KCNQ5: variants seen among roughly 807,000 people sequenced by gnomAD.
The protein encoded by KCNQ5 is potassium voltage-gated channel subfamily KQT member 5.
KCNQ5 carries 30 observed loss-of-function variants against 98.2 expected under a neutral mutation model. The ratio of observed to expected loss-of-function variants is 0.31; its 90% CI spans 0.23 to 0.41. KCNQ5 has a LOEUF of 0.41. Among genes scored for constraint, KCNQ5 ranks in the 10% least tolerant of loss-of-function variants. KCNQ5 has a pLI of 1.00. For synonymous variants in KCNQ5, 458 were observed against 449.4 expected (o/e 1.02, Z -0.24); for missense variants, 835 against 1,182.5 (o/e 0.71, Z 4.31).
intron 1 of KCNQ5, among the ~76,000 whole-genome samples, chr6:72,720,335 G>A (rs1267365533): frequency 6.6e-6 from 1 of 152,170 alleles, no homozygotes; most frequent in Non-Finnish European, 1.5e-5. Context: ...AAACTCCCAG[G>A]AAATGACTTC....
chr6:72,917,439 AT>A (rs1309909411), intron 1 of KCNQ5, among the ~76,000 whole-genome samples: 2 of 148,982 alleles, frequency 1.3e-5, no homozygotes, highest in South Asian at 4.3e-4. Context: ...CCCCCCCACC[AT>A]TTTTTTATTT....
chr6:73,195,061 TTG>T lies in KCNQ5; in HGVS notation c.2448_2449del (p.Leu816PhefsTer34), dbSNP rs780763484. 6.2e-7 allele frequency: 1 copy of T among 1,614,238 alleles called. No individual in the cohort carries two copies. The highest frequency in any genetic ancestry group is 8.5e-7 in the Non-Finnish European group (1 of 1,180,038). Reference protein sequence around the residue: ...KSFDMGGETLLSVCPMVPKDL... With the variant: ...KSFDMGGETLXSVCPMVPKDL... ...CTTTGACATGGGAGGAGAAACTCTG[TTG>T]TCTGTCTGTCCCATGGTGCCGAAGG... On this transcript the variant is annotated frameshift_variant, in exon 14 of 14. Transcript: ENST00000370398. LOFTEE classifies it high-confidence loss of function.
At chr6:72,977,713 G>A (rs560256498) in intron 1 of KCNQ5, among the ~76,000 whole-genome samples, 109 of 152,082 alleles carry the variant, frequency 7.2e-4, no homozygotes, top group Middle Eastern at 6.8e-3. Flanking sequence ...AACTCTCCCC[G>A]CTTCTGCATC....
intron 1 of KCNQ5, among the ~76,000 whole-genome samples, chr6:72,887,793 G>A (rs987313733): frequency 1.3e-5 from 2 of 151,750 alleles, no homozygotes; most frequent in South Asian, 4.2e-4. Flanking sequence ...CTAGCAGACA[G>A]AAAAACTAAG....
At chr6:72,814,224 G>A (rs987677411) in intron 1 of KCNQ5, among the ~76,000 whole-genome samples, 2 of 152,222 alleles carry the variant, frequency 1.3e-5, no homozygotes, top group Non-Finnish European at 2.9e-5. Flanking sequence ...GCCTGCCTCT[G>A]AGAATAGGAT....
chr6:72,755,551 T>A (rs1771919916), intron 1 of KCNQ5, among the ~76,000 whole-genome samples: 1 of 152,160 alleles, frequency 6.6e-6, no homozygotes. Flanking sequence ...GTAAATATCT[T>A]TAAGCTATCA....
chr6:73,091,984 T>G (rs1218681696), intron 5 of KCNQ5, among the ~76,000 whole-genome samples: 1 of 152,198 alleles, frequency 6.6e-6, no homozygotes, highest in Non-Finnish European at 1.5e-5. Context: ...TTTCCATTTG[T>G]TTGTGTCATC....
At chr6:72,652,557 G>A (rs1245866851) in intron 1 of KCNQ5, among the ~76,000 whole-genome samples, 1 of 151,896 alleles carries the variant, frequency 6.6e-6, no homozygotes, top group Non-Finnish European at 1.5e-5. Context: ...GGTCACTCTG[G>A]CTTTGTACTG....
chr6:72,946,310 T>G (rs977098445), intron 1 of KCNQ5, among the ~76,000 whole-genome samples: 1 of 152,178 alleles, frequency 6.6e-6, no homozygotes, highest in African/African-American at 2.4e-5. Flanking sequence ...GATGATTCTA[T>G]TAAAAGGAAT....
chr6:73,045,984 G>C, intron 3 of KCNQ5, among the ~76,000 whole-genome samples: 1 of 151,774 alleles, frequency 6.6e-6, no homozygotes, highest in African/African-American at 2.4e-5. Context: ...GGACAAAAGA[G>C]GAATAAAATA....
Position 73,194,699 on chromosome 6 carries a change from A to G in KCNQ5, c.2084A>G (p.Asn695Ser). 1 of 1,614,242 alleles carries G rather than the reference A, an allele frequency of 6.2e-7. No homozygotes were observed. Among genetic ancestry groups the G allele is most frequent in the Non-Finnish European group, 8.5e-7 (1 of 1,180,046 alleles). The change falls in exon 14 of 14, where the codon AAT becomes AGT. Residue 695 changes from asparagine (N) to serine (S), a missense_variant. By Grantham distance (46) the Asn-to-Ser change is conservative. Transcript: ENST00000370398. ...SRGLQFILTP[N>S]EFSAQTFYAL... ...GGCCTGCAGTTCATTCTGACGCCAAATGAGTTCAGTGCCCAGACTTTCTAC... is the reference window on the plus strand; with the variant it reads ...GGCCTGCAGTTCATTCTGACGCCAAGTGAGTTCAGTGCCCAGACTTTCTAC...
Position 73,077,748 on chromosome 6 carries a change from C to G in KCNQ5, c.793-14C>G, listed in dbSNP as rs1562164703. On this transcript the variant is annotated splice_polypyrimidine_tract_variant and intron_variant, in intron 4 of 13. Coordinates refer to ENST00000370398, the MANE Select transcript of KCNQ5 (RefSeq NM_019842.4). ...TTCCCACCTCTAAAAATCTTTCATTCCTTTTATATCTAGGAATTAATCACA... is the reference window on the plus strand; with the variant it reads ...TTCCCACCTCTAAAAATCTTTCATTGCTTTTATATCTAGGAATTAATCACA... 6.3e-7 allele frequency: 1 copy of G among 1,592,880 alleles called. No homozygotes were observed. Among genetic ancestry groups the G allele is most frequent in the Non-Finnish European group, 8.5e-7 (1 of 1,171,678 alleles).
At chr6:72,911,858 T>G (rs1463535432) in intron 1 of KCNQ5, among the ~76,000 whole-genome samples, 4 of 152,202 alleles carry the variant, frequency 2.6e-5, no homozygotes, top group African/African-American at 4.8e-5. Flanking sequence ...GCAGTTTTTC[T>G]TCTTTAAAGA....
intron 1 of KCNQ5, among the ~76,000 whole-genome samples, chr6:72,769,214 ATT>A (rs1250251849): frequency 6.6e-6 from 1 of 152,118 alleles, no homozygotes; most frequent in Non-Finnish European, 1.5e-5. Flanking sequence ...ATGCATATAT[ATT>A]GTTTTGTTCA....
intron 6 of KCNQ5, among the ~76,000 whole-genome samples, chr6:73,109,654 T>C (rs879763130): frequency 2.0e-5 from 3 of 152,230 alleles, no homozygotes; most frequent in African/African-American, 7.2e-5. Context: ...AGGGAAATGT[T>C]GTTTAAATCT....
intron 1 of KCNQ5, among the ~76,000 whole-genome samples, chr6:72,753,877 A>G (rs957326422): frequency 1.1e-4 from 17 of 152,144 alleles, no homozygotes; most frequent in Admixed American, 1.1e-3. Context: ...CTCTAAGTCT[A>G]TGACTTGCCT....
intron 2 of KCNQ5, among the ~76,000 whole-genome samples, chr6:73,026,991 T>C (rs1334338313): frequency 2.0e-5 from 3 of 152,190 alleles, no homozygotes; most frequent in Non-Finnish European, 4.4e-5. Context: ...CTGCACTTTG[T>C]TCTGAGCGTC....
chr6:73,149,407 G>A (rs2150478698), intron 10 of KCNQ5, among the ~76,000 whole-genome samples: 1 of 152,256 alleles, frequency 6.6e-6, no homozygotes, highest in African/African-American at 2.4e-5. Flanking sequence ...TAAATATAAA[G>A]CATAAAGCTT....
At chr6:73,034,649 C>T (rs1410536720) in intron 2 of KCNQ5, among the ~76,000 whole-genome samples, 2 of 152,020 alleles carry the variant, frequency 1.3e-5, no homozygotes, top group Admixed American at 6.5e-5. Flanking sequence ...AACAAAATAA[C>T]GGCAAGAACA....
Sources: gnomAD v4.1 joint callset for allele counts (sites outside exome capture counted in the v4.1 genomes callset) on GRCh38, gnomAD v4.1.1 for gene constraint, MANE v1.5 for transcripts, NCBI Gene and HGNC (gene_info 2026-07-23, HGNC 2026-07-21) for gene names.